The following PTPRT variants were observed in gnomAD, a reference collection of about 807,000 sequenced individuals.
PTPRT encodes the protein receptor-type tyrosine-protein phosphatase T.
PTPRT carries 56 observed loss-of-function variants against 176.8 expected under a neutral mutation model. The observed-to-expected ratio is 0.32, with a 90% CI of 0.26 to 0.40. PTPRT has a LOEUF of 0.40. Among genes scored for constraint, PTPRT ranks in the 10% least tolerant of loss-of-function variants. PTPRT has a pLI of 1.00. For synonymous variants in PTPRT, 783 were observed against 739.0 expected, an observed-to-expected ratio of 1.06 and a Z score of -0.96; for missense variants, 1,540 against 1,908.2, an observed-to-expected ratio of 0.81 and a Z score of 3.60.
chr20:42,036,341 T>C, the PTPRT span, among the ~76,000 whole-genome samples: 1 of 152,306 alleles, frequency 6.6e-6, no homozygotes, highest in Middle Eastern at 3.4e-3. Context: ...TAGCTAGAGT[T>C]TATTGAGAAA....
At chr20:42,816,827 G>A (rs181795576) in intron 2 of PTPRT, among the ~76,000 whole-genome samples, 57 of 152,288 alleles carry the variant, frequency 3.7e-4, no homozygotes, top group Middle Eastern at 3.4e-3. Flanking sequence ...TTACAGCAGT[G>A]TGAAAATGAG....
chr20:42,450,476 C>T (rs1454664390), intron 8 of PTPRT, among the ~76,000 whole-genome samples: 2 of 152,166 alleles, frequency 1.3e-5, no homozygotes, highest in Non-Finnish European at 2.9e-5. Flanking sequence ...TAGCCATTCA[C>T]ATTGCTTCTT....
Position 42,702,145 on chromosome 20 carries a change from C to A in PTPRT, c.860-23986G>T, listed in dbSNP as rs573937633. ...ACCCACCAATCACATCCTGTTCCACCCTCATGAGTATCCTCCCACCTCCTG... is the reference window on the plus strand; with the variant it reads ...ACCCACCAATCACATCCTGTTCCACACTCATGAGTATCCTCCCACCTCCTG... On this transcript the variant is annotated intron_variant, in intron 6 of 30. Coordinates refer to ENST00000373187, the MANE Select transcript of PTPRT (RefSeq NM_007050.6). 2.0e-5 allele frequency among the ~76,000 whole-genome samples: 3 copies of A among 152,226 alleles called. No homozygotes were observed. In the South Asian group the frequency reaches 6.2e-4, roughly 32 times the overall value.
intron 15 of PTPRT, among the ~76,000 whole-genome samples, chr20:42,204,243 CAG>C (rs57273671): frequency 0.039 from 5,872 of 151,966 alleles, 358 homozygotes; most frequent in African/African-American, 0.14. Flanking sequence ...TCATGGGAGT[CAG>C]AGATTTCCCC....
chr20:42,217,815 C>T (rs891949251), intron 15 of PTPRT, among the ~76,000 whole-genome samples: 1 of 152,190 alleles, frequency 6.6e-6, no homozygotes, highest in Non-Finnish European at 1.5e-5. Flanking sequence ...AGAATTGCCC[C>T]TACTACTGGC....
intron 7 of PTPRT, among the ~76,000 whole-genome samples, chr20:42,598,841 G>T (rs973427988): frequency 6.6e-6 from 1 of 152,150 alleles, no homozygotes; most frequent in Non-Finnish European, 1.5e-5. Flanking sequence ...GGCTGTAAGG[G>T]TACTGATGGC....
At chr20:42,302,282 G>C (rs1006972581) in intron 12 of PTPRT, among the ~76,000 whole-genome samples, 1 of 151,962 alleles carries the variant, frequency 6.6e-6, no homozygotes, top group Non-Finnish European at 1.5e-5. Flanking sequence ...CAGAATAAAT[G>C]CCAAGTATTT....
At chr20:42,555,697 A>T (rs6016827) in intron 7 of PTPRT, among the ~76,000 whole-genome samples, 9 of 151,930 alleles carry the variant, frequency 5.9e-5, no homozygotes, top group African/African-American at 2.2e-4. Flanking sequence ...TTGTTTTGAC[A>T]AATGGAATAT....
intron 9 of PTPRT, among the ~76,000 whole-genome samples, chr20:42,365,409 C>G (rs1011560129): frequency 6.6e-6 from 1 of 152,130 alleles, no homozygotes; most frequent in Admixed American, 6.6e-5. Context: ...CTATGCATAC[C>G]TGCATGGCTG....
intron 18 of PTPRT, among the ~76,000 whole-genome samples, chr20:42,140,879 G>A (rs1273242545): frequency 1.3e-5 from 2 of 152,188 alleles, no homozygotes; most frequent in Non-Finnish European, 2.9e-5. Context: ...GCCAGGCACT[G>A]TAGCAAGAGT....
At chr20:42,549,825 A>G (rs2072737188) in intron 7 of PTPRT, among the ~76,000 whole-genome samples, 1 of 152,000 alleles carries the variant, frequency 6.6e-6, no homozygotes, top group Non-Finnish European at 1.5e-5. Context: ...AGGGCATCTC[A>G]ACACTACTGT....
At chr20:42,210,985 A>G (rs2055610304) in intron 15 of PTPRT, among the ~76,000 whole-genome samples, 1 of 151,986 alleles carries the variant, frequency 6.6e-6, no homozygotes. Context: ...CCTCAGAAAT[A>G]ACGCCGCATA....
chr20:42,198,460 T>C (rs547880103), intron 16 of PTPRT, among the ~76,000 whole-genome samples: 1 of 152,210 alleles, frequency 6.6e-6, no homozygotes, highest in Non-Finnish European at 1.5e-5. Flanking sequence ...TCTTTGAGAC[T>C]TCTTGCATTA....
intron 1 of PTPRT, among the ~76,000 whole-genome samples, chr20:43,068,430 C>T (rs1429645887): frequency 6.8e-6 from 1 of 147,546 alleles, no homozygotes; most frequent in Non-Finnish European, 1.5e-5. Flanking sequence ...GGCGTGAACC[C>T]GGGAGGCGGA....
At chr20:42,464,844 C>T (rs6130141) in intron 8 of PTPRT, among the ~76,000 whole-genome samples, 29,182 of 152,022 alleles carry the variant, frequency 0.19, 3,081 homozygotes, top group East Asian at 0.32. Flanking sequence ...ATGTACTCAT[C>T]CTTAGCAACA....
At chr20:42,134,869 G>A (rs1988300076) in intron 18 of PTPRT, among the ~76,000 whole-genome samples, 1 of 152,206 alleles carries the variant, frequency 6.6e-6, no homozygotes, top group Non-Finnish European at 1.5e-5. Flanking sequence ...TGCATGATCT[G>A]ATGGTTTGGG....
chr20:42,865,608 C>T (rs774542999), intron 2 of PTPRT, among the ~76,000 whole-genome samples: 8 of 152,142 alleles, frequency 5.3e-5, no homozygotes, highest in Admixed American at 2.6e-4. Context: ...CCCGCACTGC[C>T]TGACCTGGGA....
At chr20:42,420,519 C>A (rs1460664199) in intron 9 of PTPRT, among the ~76,000 whole-genome samples, 1 of 152,152 alleles carries the variant, frequency 6.6e-6, no homozygotes, top group African/African-American at 2.4e-5. Flanking sequence ...CTTCTCCTTA[C>A]GCCAGGCTAA....
At chr20:42,089,070 G>C (rs1419798167) in intron 27 of PTPRT, among the ~76,000 whole-genome samples, 1 of 152,108 alleles carries the variant, frequency 6.6e-6, no homozygotes, top group African/African-American at 2.4e-5. Flanking sequence ...TCCACTGGGG[G>C]TTAACCAAGC....
Sources: allele counts gnomAD v4.1 joint callset (sites outside exome capture counted in the v4.1 genomes callset), GRCh38; gene constraint gnomAD v4.1.1; transcripts MANE v1.5; gene names NCBI Gene and HGNC (gene_info 2026-07-23, HGNC 2026-07-21).